RFX1: variants seen among roughly 807,000 people sequenced by gnomAD.
RFX1 encodes regulatory factor X1, also known as MHC class II regulatory factor RFX1.
Under a neutral mutation model 119.6 loss-of-function variants are expected in RFX1, and 42 were observed. The observed-to-expected ratio is 0.35, with a 90% CI of 0.27 to 0.45. The LOEUF (loss-of-function observed/expected upper bound fraction) is 0.45. RFX1 is among the 20% of genes least tolerant of loss of function. The probability of loss-of-function intolerance (pLI) is 1.00; values close to 1 mark genes in which losing one functional copy is unlikely to be tolerated. For synonymous variants in RFX1, 628 were observed against 618.5 expected (o/e 1.02, Z -0.23); for missense variants, 1,118 against 1,368.1 (o/e 0.82, Z 2.88).
rs749748603 is a variant in RFX1, at chr19:13,966,633, C to G, written c.1851G>C (p.Glu617Asp). The G allele has an allele frequency of 6.3e-7, 1 of 1,590,906 alleles. No homozygotes were observed. The highest frequency in any genetic ancestry group is 1.1e-5 in the South Asian group (1 of 89,132). ...TTGCCTGCCCACCTGGCCACCCTAC[C>G]TCACAGTGTTCCCGGTACAGGACCT... ...AFQVLYREHC[E>D]AIVDVMVNLQ... is the part of the protein sequence containing the mutation. The change falls in exon 13 of 21, where the codon GAG becomes GAC. Residue 617 changes from glutamate (E) to aspartate (D), a missense_variant and splice_region_variant. Glu to Asp is a conservative substitution (Grantham distance 45). Around this residue, in one of 5 missense-constraint regions of RFX1, gnomAD observed 338 missense variants for 508.9 expected, o/e 0.66. Coordinates refer to ENST00000254325, the MANE Select transcript of RFX1 (RefSeq NM_002918.5). This position sits in a 1 kb window ranked among gnomAD's most constrained non-coding sequence, Gnocchi z 6.3.
rs555882359 is a variant in RFX1, at chr19:13,964,976, C to G, written c.2211+473G>C. ...GCCCCAGTCCCTGCCCTGTGCCCAG[C>G]GGTGGTTTTTTTGTTTGTTTGTTTT... On this transcript the variant is annotated intron_variant, in intron 16 of 20. Transcript: ENST00000254325. Among the ~76,000 whole-genome samples the G allele has an allele frequency of 2.0e-5, 3 of 152,262 alleles. No homozygotes were observed. The East Asian group carries it at 5.8e-4, about 29-fold the overall frequency.
rs1240606016 is a variant in RFX1 at position 13,970,173 on chromosome 19, G to A, written c.1317C>T (p.Val439=). ...SHTTRASPAT[V]QWLLDNYETA... is the part of the protein sequence containing the mutation. ...TCTCATAGTTGTCCAGGAGCCACTG[G>A]ACCTGGGGTGGGAGGGAGATGGGAG... is the stretch of plus-strand genomic sequence containing the variant. The change falls in exon 10 of 21, where the codon GTC becomes GTT. Residue 439 remains valine (V), a splice_region_variant and synonymous_variant. Transcript: ENST00000254325. 3.1e-6 allele frequency: 5 copies of A among 1,600,440 alleles called. No homozygotes were observed. In the East Asian group the frequency reaches 1.1e-4, roughly 36 times the overall value.
chr19:13,997,517 C>T (rs1280581969), intron 1 of RFX1, among the ~76,000 whole-genome samples: 2 of 152,224 alleles, frequency 1.3e-5, no homozygotes, highest in African/African-American at 2.4e-5. Context: ...CCTTCACTGC[C>T]CAGGGCCCTT....
rs1568457833 is a variant in RFX1 at position 13,965,487 on chromosome 19, C to T, written c.2173G>A (p.Ala725Thr). Residue 725 changes from alanine to threonine, a missense_variant, in exon 16 of 21, where the codon GCC becomes ACC. Transcript: ENST00000254325. This position sits in a 1 kb window ranked among gnomAD's most constrained non-coding sequence, Gnocchi z 4.7. ...ATCTCCTCGGGGATGTTGACCATGGCGTGGGTGAGCCAGCTCTCCAGGCTC... is the reference window on the plus strand; with the variant it reads ...ATCTCCTCGGGGATGTTGACCATGGTGTGGGTGAGCCAGCTCTCCAGGCTC... The part of the protein sequence containing the change: ...AKSLESWLTH[A>T]MVNIPEEMLR... The T allele has an allele frequency of 2.5e-6, 4 of 1,613,718 alleles. No individual in the cohort carries two copies. Among genetic ancestry groups the T allele is most frequent in the Non-Finnish European group, 2.5e-6 (3 of 1,179,924 alleles).
intron 9 of RFX1, 28 bp from the exon 10 acceptor site, chr19:13,970,203 C>T: frequency 6.4e-7 from 1 of 1,569,582 alleles, no homozygotes; most frequent in Non-Finnish European, 8.7e-7. Context: ...TGGGAGAGCA[C>T]CAGTCAGAGG....
At chr19:13,983,703 G>A in intron 2 of RFX1, 108 bp from the exon 3 acceptor site, 1 of 891,272 alleles carries the variant, frequency 1.1e-6, no homozygotes, top group Non-Finnish European at 1.7e-6. Context: ...CCCCAGCAAG[G>A]TCAGGCCCCT....
At position 13,961,922 on chromosome 19, in the gene RFX1, G is replaced by A. The variant is rs12019; in HGVS notation, c.*773C>T. ...GGGTCGCACGGCACGGAGGAGAAGC[G>A]TGGTCTCCGGGAAGATAGGGGCACA... is the stretch of plus-strand genomic sequence containing the variant. On this transcript the variant is annotated 3_prime_UTR_variant, in exon 21 of 21. Transcript: ENST00000254325. The A allele has an allele frequency of 0.34, 51,017 of 152,190 alleles. 9,628 individuals carry two copies. The highest frequency in any genetic ancestry group is 0.53 in the African/African-American group (21,947 of 41,460). The allele number at this position is 152,190 out of a possible 1,614,324, so 9.4% of individuals were successfully genotyped here. A position where few individuals can be genotyped will look rare whatever the true frequency, so the allele number is the denominator to read the frequency against.
Position 13,965,324 on chromosome 19 carries a change from C to T in RFX1, c.2211+125G>A, listed in dbSNP as rs971171344. On this transcript the variant is annotated intron_variant, in intron 16 of 20. Transcript: ENST00000254325. This position sits in a 1 kb window ranked among gnomAD's most constrained non-coding sequence, Gnocchi z 4.7. ...GTGCTCCCCGAGGCGGAGAAGGTCTCCCCTTCCTCCACAGGCATCATCCCT... is the reference window on the plus strand; with the variant it reads ...GTGCTCCCCGAGGCGGAGAAGGTCTTCCCTTCCTCCACAGGCATCATCCCT... The T allele has an allele frequency of 1.9e-5, 16 of 845,234 alleles. No individual in the cohort carries two copies. The African/African-American group carries it at 2.7e-4, about 14-fold the overall frequency. 52.4% of individuals were successfully genotyped at this position (845,234 alleles called of 1,614,324 possible). A position where few individuals can be genotyped will look rare whatever the true frequency, so the allele number is the denominator to read the frequency against.
chr19:13,973,192 C>T, intron 8 of RFX1, 65 bp from the exon 9 acceptor site: 1 of 1,221,208 alleles, frequency 8.2e-7, no homozygotes. Flanking sequence ...AGGGGCATGA[C>T]TGTGCAGGAA....
At chr19:13,997,976 G>A (rs1975091559) in intron 1 of RFX1, 1 of 152,162 alleles carries the variant, frequency 6.6e-6, no homozygotes, top group Non-Finnish European at 1.5e-5. Flanking sequence ...AGGGGTGGAG[G>A]TTCCTCACAC....
chr19:13,996,469 T>TA (rs1329668556), intron 1 of RFX1, among the ~76,000 whole-genome samples: 1 of 151,980 alleles, frequency 6.6e-6, no homozygotes, highest in Non-Finnish European at 1.5e-5. Context: ...AAGGAGGAGG[T>TA]AAAAAACAAC....
intron 2 of RFX1, among the ~76,000 whole-genome samples, chr19:13,989,451 A>T (rs1049574673): frequency 1.1e-4 from 17 of 151,330 alleles, no homozygotes; most frequent in African/African-American, 4.1e-4. Flanking sequence ...GCTCACTGCA[A>T]CCTCCACCTC....
intron 1 of RFX1, among the ~76,000 whole-genome samples, chr19:14,002,087 G>A (rs1259172323): frequency 6.6e-6 from 1 of 151,920 alleles, no homozygotes; most frequent in East Asian, 1.9e-4. Flanking sequence ...GGTGAGCCAA[G>A]ATTGCGCCAT....
Position 13,977,422 on chromosome 19 carries a change from A to AT in RFX1, c.929+569dup, listed in dbSNP as rs1040385210. ...CTGGGACAGGGTTGAGAGTCAAATGATTTTTTTTTTTTGAGATGGAGTGTC... is the reference window on the plus strand; with the variant it reads ...CTGGGACAGGGTTGAGAGTCAAATGATTTTTTTTTTTTTGAGATGGAGTGTC... On this transcript the variant is annotated intron_variant, in intron 8 of 20. Transcript: ENST00000254325. Among the ~76,000 whole-genome samples the AT allele has an allele frequency of 8.6e-3, 1,267 of 146,988 alleles. 17 individuals carry two copies. The highest frequency in any genetic ancestry group is 0.027 in the African/African-American group (1,103 of 40,338).
Position 13,963,011 on chromosome 19 carries a change from G to A in RFX1, c.2753C>T (p.Pro918Leu), listed in dbSNP as rs1303699934. The A allele has an allele frequency of 1.3e-6, 2 of 1,553,206 alleles. No individual in the cohort carries two copies. The highest frequency in any genetic ancestry group is 1.4e-5 in the African/African-American group (1 of 73,320). Reference sequence around the variant, plus strand: ...TCGCCTACCTTTGTCGGGGTCCAGGGGGTTCAGGGAGGTGGCCAGATTGGC... The same window carrying A: ...TCGCCTACCTTTGTCGGGGTCCAGGAGGTTCAGGGAGGTGGCCAGATTGGC... ...EFANLATSLN[P>L]LDPDKDEEEE... The change falls in exon 20 of 21, where the codon CCC (proline) becomes CTC (leucine). Residue 918 changes from proline (P) to leucine (L), a missense_variant. By Grantham distance (98) the Pro-to-Leu change is moderately conservative. Coordinates refer to ENST00000254325, the MANE Select transcript of RFX1 (RefSeq NM_002918.5).
intron 1 of RFX1, among the ~76,000 whole-genome samples, chr19:13,995,966 TG>T (rs1403305133): frequency 7.9e-5 from 12 of 151,738 alleles, no homozygotes; most frequent in African/African-American, 2.9e-4. Context: ...AGGCAGAGGT[TG>T]CAGAGAGCTG....
chr19:14,002,965 T>C (rs2145647424), intron 1 of RFX1, among the ~76,000 whole-genome samples: 1 of 152,330 alleles, frequency 6.6e-6, no homozygotes, highest in South Asian at 2.1e-4. Context: ...GGACTGTGTC[T>C]GGGCCTGAGC....
chr19:13,994,926 A>ATATG (rs1974953537), intron 1 of RFX1, among the ~76,000 whole-genome samples: 1 of 110,992 alleles, frequency 9.0e-6, no homozygotes, highest in Admixed American at 9.1e-5. Flanking sequence ...ATATATATAT[A>ATATG]TATATATATA....
In RFX1 at chr19:13,962,503, T is replaced by C. The variant is rs2145519369; in HGVS notation, c.*192A>G. The C allele has an allele frequency of 1.8e-6, 1 of 554,526 alleles. No individual in the cohort carries two copies. Among genetic ancestry groups the C allele is most frequent in the Admixed American group, 3.7e-5 (1 of 26,688 alleles). The allele number at this position is 554,526 out of a possible 1,614,324, so 34.4% of individuals were successfully genotyped here. On this transcript the variant is annotated 3_prime_UTR_variant, in exon 21 of 21. Coordinates refer to ENST00000254325, the MANE Select transcript of RFX1 (RefSeq NM_002918.5). Reference sequence around the variant, plus strand: ...AAGGCACGTCTTTTGTGTCAGAGTTTGCAGCTGCGGCTCCGCCCAGCCCAC... The same window carrying C: ...AAGGCACGTCTTTTGTGTCAGAGTTCGCAGCTGCGGCTCCGCCCAGCCCAC...
Sources: allele counts gnomAD v4.1 joint callset (sites outside exome capture counted in the v4.1 genomes callset), GRCh38; gene constraint gnomAD v4.1.1; regional missense constraint gnomAD v4.1.1; non-coding constraint Gnocchi (gnomAD v3.1); transcripts MANE v1.5; gene names NCBI Gene and HGNC (gene_info 2026-07-23, HGNC 2026-07-21).